Variants in BLTP1 observed in about 807,000 individuals in gnomAD.
BLTP1 encodes bridge-like lipid transfer protein family member 1, also known as fragile site-associated protein.
chr4:122,219,134 C>T, the BLTP1 span: 1 of 984,548 alleles, frequency 1.0e-6, no homozygotes, highest in Non-Finnish European at 1.2e-6. Flanking sequence ...TAACTTTTTG[C>T]ATTTTTTGCT....
At chr4:122,217,436 A>G in the BLTP1 span, among the ~76,000 whole-genome samples, 1 of 151,842 alleles carries the variant, frequency 6.6e-6, no homozygotes, top group Non-Finnish European at 1.5e-5. Context: ...TAATTCATAG[A>G]TTGCTTTTGG....
At chr4:122,197,486 A>G in the BLTP1 span, 1 of 836,522 alleles carries the variant, frequency 1.2e-6, no homozygotes, top group African/African-American at 1.8e-5. Flanking sequence ...TCAGTCTTAT[A>G]TGCTTTTATT....
chr4:122,263,619 A>G, the BLTP1 span: 1 of 1,528,518 alleles, frequency 6.5e-7, no homozygotes, highest in Non-Finnish European at 8.9e-7. Flanking sequence ...TTATCACATT[A>G]TTTTGCTTAA....
At chr4:122,165,447 C>T in the BLTP1 span, among the ~76,000 whole-genome samples, 1 of 148,422 alleles carries the variant, frequency 6.7e-6, no homozygotes, top group African/African-American at 2.4e-5. Flanking sequence ...GTATATGTGC[C>T]ACATTTTCTT....
the BLTP1 span, chr4:122,240,233 T>G: frequency 6.2e-7 from 1 of 1,614,154 alleles, no homozygotes; most frequent in Admixed American, 1.7e-5. Flanking sequence ...ATTGGTCAGT[T>G]AAGCACCCAA....
the BLTP1 span, chr4:122,328,228 C>G: frequency 8.7e-6 from 14 of 1,611,304 alleles, no homozygotes; most frequent in South Asian, 1.3e-4. Flanking sequence ...GGCTTTTCAC[C>G]AGGCATTCCT....
At chr4:122,335,526 A>G in the BLTP1 span, among the ~76,000 whole-genome samples, 3 of 152,170 alleles carry the variant, frequency 2.0e-5, no homozygotes, top group Non-Finnish European at 2.9e-5. Context: ...ACCTTTTAAA[A>G]TAGTAATCAT....
At chr4:122,263,582 C>T in the BLTP1 span, 2 of 1,606,920 alleles carry the variant, frequency 1.2e-6, no homozygotes. Context: ...AAAATCAGGA[C>T]ACAATAGTCT....
At chr4:122,349,191 T>C in the BLTP1 span, 1 of 1,612,226 alleles carries the variant, frequency 6.2e-7, no homozygotes, top group African/African-American at 1.3e-5. The surrounding 1 kb of genome is among the most constrained non-coding windows in gnomAD (Gnocchi z 4.5). Flanking sequence ...GCCAGGGCCG[T>C]CTGTCAGTAG....
At chr4:122,214,100 T>C in the BLTP1 span, 3 of 506,496 alleles carry the variant, frequency 5.9e-6, no homozygotes, top group Non-Finnish European at 7.6e-6. Context: ...GAAACAGTAC[T>C]TGTGGACTTT....
the BLTP1 span, chr4:122,289,258 C>A: frequency 8.9e-7 from 1 of 1,121,310 alleles, no homozygotes; most frequent in Admixed American, 2.4e-5. Flanking sequence ...TGTGATATCC[C>A]ATATATCTGT....
chr4:122,209,798 G>A, the BLTP1 span: 3 of 1,611,356 alleles, frequency 1.9e-6, no homozygotes. Context: ...ACTAGAAACT[G>A]TCTGTTTTAC....
At chr4:122,360,283 T>C in the BLTP1 span, among the ~76,000 whole-genome samples, 1 of 152,324 alleles carries the variant, frequency 6.6e-6, no homozygotes, top group East Asian at 1.9e-4. Context: ...CTACTACAAT[T>C]ATCCCAATTA....
chr4:122,182,105 CA>C, the BLTP1 span, among the ~76,000 whole-genome samples: 1 of 151,798 alleles, frequency 6.6e-6, no homozygotes, highest in East Asian at 1.9e-4. Context: ...ACAGAATATC[CA>C]AAAATTATAA....
At chr4:122,350,963 C>A in the BLTP1 span, among the ~76,000 whole-genome samples, 1 of 152,082 alleles carries the variant, frequency 6.6e-6, no homozygotes, top group East Asian at 1.9e-4. Context: ...GATTTGATAT[C>A]GGATTTATCT....
At chr4:122,210,940 TCAGA>T in the BLTP1 span, 7 of 1,613,474 alleles carry the variant, frequency 4.3e-6, no homozygotes, top group Non-Finnish European at 5.9e-6. Flanking sequence ...CCAGAAGACA[TCAGA>T]CAGAGTTGTT....
the BLTP1 span, among the ~76,000 whole-genome samples, chr4:122,345,679 G>T: frequency 6.6e-6 from 1 of 152,058 alleles, no homozygotes; most frequent in Admixed American, 6.6e-5. Flanking sequence ...TTAAGAAATG[G>T]GTTGATGCTT....
the BLTP1 span, chr4:122,187,192 A>G: frequency 5.2e-5 from 51 of 982,116 alleles, no homozygotes; most frequent in Admixed American, 6.2e-5. Flanking sequence ...TTCTAAAAAC[A>G]TAGTTTTGTT....
At chr4:122,224,727 C>T in the BLTP1 span, 2 of 1,613,102 alleles carry the variant, frequency 1.2e-6, no homozygotes, top group African/African-American at 1.3e-5. Flanking sequence ...TTTCCTTTCT[C>T]TACCCACCTT....
Sources: gnomAD v4.1 joint callset for allele counts (sites outside exome capture counted in the v4.1 genomes callset) on GRCh38, gnomAD v4.1.1 for gene constraint, Gnocchi (gnomAD v3.1) non-coding constraint, MANE v1.5 for transcripts, NCBI Gene and HGNC (gene_info 2026-07-23, HGNC 2026-07-21) for gene names.